Variants in PTBP2 observed in about 807,000 individuals in gnomAD.
The protein encoded by PTBP2 is polypyrimidine tract binding protein 2.
PTBP2 carries 13 observed loss-of-function variants against 61.4 expected under a neutral mutation model. That is an observed-to-expected ratio of 0.21 (90% CI 0.14 to 0.34). The LOEUF (loss-of-function observed/expected upper bound fraction) is 0.34, where lower values mean the gene tolerates loss of function less well. Ranked by LOEUF, PTBP2 falls within the 10% of genes least tolerant of loss-of-function variation. The probability of loss-of-function intolerance (pLI) is 1.00; values close to 1 mark genes in which losing one functional copy is unlikely to be tolerated. For missense variants in PTBP2, 405 were observed against 642.6 expected (o/e 0.63, Z 4.00); for synonymous variants, 215 against 218.5 (o/e 0.98, Z 0.14).
intron 8 of PTBP2, among the ~76,000 whole-genome samples, chr1:96,786,245 G>A (rs1659189053): frequency 6.6e-6 from 1 of 152,138 alleles, no homozygotes; most frequent in Admixed American, 6.5e-5. Flanking sequence ...TATATGTAGA[G>A]AGAGATACTC....
rs1161805511 is a variant in PTBP2, at chr1:96,801,703, A to G, written c.905-3097A>G. The stretch of plus-strand genomic sequence containing the variant: ...TGGTGAAACCCCATCTCTACTAAAA[A>G]TACAAAAATTAGCCAGGCATGGTAG... On this transcript the variant is annotated intron_variant, in intron 8 of 13. Transcript: ENST00000674951. 3.3e-5 allele frequency among the ~76,000 whole-genome samples: 5 copies of G among 151,678 alleles called. No homozygotes were observed. The East Asian group carries it at 7.8e-4, about 24-fold the overall frequency.
At chr1:96,819,159 C>T (rs978686268), downstream of PTBP2, 83 of 151,902 alleles carry the variant, frequency 5.5e-4, no homozygotes, top group African/African-American at 2.0e-3. Flanking sequence ...AAATGATACT[C>T]AGGTCATTTT....
chr1:96,760,842 A>G (rs1655755893), intron 3 of PTBP2, among the ~76,000 whole-genome samples: 1 of 152,190 alleles, frequency 6.6e-6, no homozygotes, highest in African/African-American at 2.4e-5. Context: ...GTTTGCTGTA[A>G]AACTTGTATG....
In PTBP2 at chr1:96,777,594, G is replaced by T. The variant is rs1351051118; in HGVS notation, c.442G>T (p.Ala148Ser). The T allele has an allele frequency of 1.2e-6, 2 of 1,606,758 alleles. No homozygotes were observed. The highest frequency in any genetic ancestry group is 4.5e-5 in the East Asian group (2 of 44,772). The change falls in exon 6 of 14, where the codon GCA becomes TCA. Residue 148 changes from alanine (A) to serine (S), a missense_variant. By Grantham distance (99) the Ala-to-Ser change is moderately conservative. This residue lies in a region of PTBP2 where 342 missense variants were observed against 491.2 expected (regional missense o/e 0.70). Coordinates refer to ENST00000674951, the MANE Select transcript of PTBP2 (RefSeq NM_021190.4). ...TAATCTTAATTTCCAGCGTGCTCAG[G>T]CAGTTCTTCAAGCTGTGACAGCTGT... is the stretch of plus-strand genomic sequence containing the variant. ...TDNTLNQRAQ[A>S]VLQAVTAVQT...
chr1:96,809,681 T>TATC (rs1328296476), intron 11 of PTBP2, among the ~76,000 whole-genome samples: 2 of 152,156 alleles, frequency 1.3e-5, no homozygotes, highest in African/African-American at 4.8e-5. Context: ...CCGGCTAATT[T>TATC]ATTATTATTA....
At chr1:96,732,637 G>A (rs1240863446) in intron 2 of PTBP2, among the ~76,000 whole-genome samples, 3 of 152,164 alleles carry the variant, frequency 2.0e-5, no homozygotes, top group African/African-American at 2.4e-5. Context: ...GAGAAATAAG[G>A]ACTCAAGGTT....
At chr1:96,795,888 A>T (rs1197511137) in intron 8 of PTBP2, among the ~76,000 whole-genome samples, 2 of 152,162 alleles carry the variant, frequency 1.3e-5, no homozygotes, top group African/African-American at 2.4e-5. Context: ...TGTAATGGAC[A>T]TAATGATAAT....
chr1:96,768,049 T>A (rs1389722621), intron 3 of PTBP2, among the ~76,000 whole-genome samples: 1 of 152,124 alleles, frequency 6.6e-6, no homozygotes, highest in Non-Finnish European at 1.5e-5. Flanking sequence ...TGAGTCCATA[T>A]ATTATCACTT....
intron 2 of PTBP2, among the ~76,000 whole-genome samples, chr1:96,744,962 C>T (rs74734158): frequency 0.066 from 9,975 of 152,062 alleles, 438 homozygotes; most frequent in Non-Finnish European, 0.095. Context: ...TGTAATTGTC[C>T]TCTCACAAAT....
chr1:96,768,682 C>T (rs1657029103), intron 3 of PTBP2, among the ~76,000 whole-genome samples: 3 of 151,856 alleles, frequency 2.0e-5, no homozygotes, highest in African/African-American at 7.2e-5. Context: ...GGAATGAAGA[C>T]AGTTAACTAA....
intron 3 of PTBP2, among the ~76,000 whole-genome samples, chr1:96,768,096 C>G (rs916505414): frequency 2.0e-5 from 3 of 152,066 alleles, no homozygotes; most frequent in African/African-American, 7.2e-5. Flanking sequence ...AAAGTCATTA[C>G]TACTATCAAT....
In PTBP2 at chr1:96,772,713, G is replaced by A. The variant is rs570006083; in HGVS notation, c.432+1862G>A. ...GACTTATTCACTTAGCACACACAGT[G>A]TCCTCTTAAAATGACATTTAATATC... On this transcript the variant is annotated intron_variant, in intron 5 of 13. Transcript: ENST00000674951. 7.9e-5 allele frequency among the ~76,000 whole-genome samples: 12 copies of A among 152,256 alleles called. No homozygotes were observed. The East Asian group carries it at 2.3e-3, about 29-fold the overall frequency.
At chr1:96,736,533 C>T (rs1441130722) in intron 2 of PTBP2, among the ~76,000 whole-genome samples, 1 of 151,726 alleles carries the variant, frequency 6.6e-6, no homozygotes, top group Non-Finnish European at 1.5e-5. Flanking sequence ...AGTTGATCTT[C>T]TACTTAATTG....
downstream of PTBP2, chr1:96,817,023 T>C (rs1002458198): frequency 2.6e-5 from 4 of 152,202 alleles, no homozygotes; most frequent in Non-Finnish European, 4.4e-5. Context: ...AATGCAGTTA[T>C]AGAGAGCATC....
At chr1:96,810,930 A>G (rs1662019559) in intron 11 of PTBP2, among the ~76,000 whole-genome samples, 1 of 152,210 alleles carries the variant, frequency 6.6e-6, no homozygotes, top group Non-Finnish European at 1.5e-5. Flanking sequence ...GCAGTGTGAG[A>G]AACAAATGAG....
At chr1:96,791,375 C>T (rs1304169359) in intron 8 of PTBP2, among the ~76,000 whole-genome samples, 1 of 152,162 alleles carries the variant, frequency 6.6e-6, no homozygotes, top group East Asian at 1.9e-4. Context: ...TCATTGTAGT[C>T]TTTTAGATAT....
rs1370124236 is a variant in PTBP2 at position 96,770,654 on chromosome 1, T to C, written c.289-54T>C. ...AAATCATCTGAATAGATTGCTTAGATATTAATTTTATTTGAATTTATAGTA... is the reference window on the plus strand; with the variant it reads ...AAATCATCTGAATAGATTGCTTAGACATTAATTTTATTTGAATTTATAGTA... On this transcript the variant is annotated intron_variant, in intron 4 of 13. Coordinates refer to ENST00000674951, the MANE Select transcript of PTBP2 (RefSeq NM_021190.4). The C allele has an allele frequency of 4.3e-6, 6 of 1,386,302 alleles. No individual in the cohort carries two copies. The African/African-American group carries it at 8.8e-5, about 20-fold the overall frequency. 85.9% of individuals were successfully genotyped at this position (1,386,302 alleles called of 1,614,324 possible). A position where few individuals can be genotyped will look rare whatever the true frequency, so the allele number is the denominator to read the frequency against.
chr1:96,753,020 G>C (rs1480530467), intron 3 of PTBP2, among the ~76,000 whole-genome samples: 1 of 152,126 alleles, frequency 6.6e-6, no homozygotes, highest in African/African-American at 2.4e-5. Flanking sequence ...TGTCAGGGCT[G>C]CCCAATCATT....
At chr1:96,768,860 A>G (rs1204397341) in intron 3 of PTBP2, among the ~76,000 whole-genome samples, 1 of 152,008 alleles carries the variant, frequency 6.6e-6, no homozygotes, top group Non-Finnish European at 1.5e-5. Context: ...ATAAGCCATA[A>G]TATGGATTGA....
Sources: gnomAD v4.1 joint callset for allele counts (sites outside exome capture counted in the v4.1 genomes callset) on GRCh38, gnomAD v4.1.1 for gene constraint, gnomAD v4.1.1 regional missense constraint, MANE v1.5 for transcripts, NCBI Gene and HGNC (gene_info 2026-07-23, HGNC 2026-07-21) for gene names.